Variants in MERTK observed in about 807,000 individuals in gnomAD.
MERTK encodes MER proto-oncogene, tyrosine kinase.
In MERTK, 69 loss-of-function variants were observed where a neutral mutation model predicts 99.3. The observed-to-expected ratio is 0.70, with a 90% CI of 0.57 to 0.85. The LOEUF (loss-of-function observed/expected upper bound fraction) is 0.85. MERTK is among the 40% of genes least tolerant of loss of function. The pLI is 0.00. For missense variants in MERTK, 1,125 were observed against 1,249.4 expected, an observed-to-expected ratio of 0.90 and a Z score of 1.50; for synonymous variants, 426 against 467.6, an observed-to-expected ratio of 0.91 and a Z score of 1.15.
At chr2:111,985,363 G>A (rs868110393) in intron 8 of MERTK, among the ~76,000 whole-genome samples, 1 of 152,076 alleles carries the variant, frequency 6.6e-6, no homozygotes, top group African/African-American at 2.4e-5. Flanking sequence ...AAGAGAGTGG[G>A]GTATTGCTGC....
At chr2:111,931,440 A>G (rs1001663915) in intron 2 of MERTK, among the ~76,000 whole-genome samples, 5 of 152,192 alleles carry the variant, frequency 3.3e-5, no homozygotes, top group African/African-American at 1.2e-4. Context: ...TCATTTAATA[A>G]TAAGTGAATG....
chr2:111,905,918 A>G (rs1166054983), intron 1 of MERTK, among the ~76,000 whole-genome samples: 1 of 152,260 alleles, frequency 6.6e-6, no homozygotes, highest in Non-Finnish European at 1.5e-5. Flanking sequence ...AAAGAGAAAG[A>G]GAGAACAGAT....
intron 4 of MERTK, among the ~76,000 whole-genome samples, chr2:111,964,394 TGTGTGCGC>T (rs984299012): frequency 1.1e-5 from 1 of 88,680 alleles, no homozygotes; most frequent in Non-Finnish European, 3.1e-5. Flanking sequence ...TGTGTGTGTG[TGTGTGCGC>T]GCGCGCACGC....
intron 1 of MERTK, among the ~76,000 whole-genome samples, chr2:111,906,665 C>CTTAA (rs1404956460): frequency 6.6e-6 from 1 of 152,208 alleles, no homozygotes; most frequent in Non-Finnish European, 1.5e-5. Context: ...TGAAACCAGC[C>CTTAA]TTTAAGCCTT....
chr2:111,986,674 T>C (rs1272181677), intron 8 of MERTK, among the ~76,000 whole-genome samples: 1 of 152,240 alleles, frequency 6.6e-6, no homozygotes, highest in Non-Finnish European at 1.5e-5. Flanking sequence ...CATTGCCCTT[T>C]GTTCAGAACG....
At chr2:111,931,975 TA>T (rs1384323609) in intron 2 of MERTK, among the ~76,000 whole-genome samples, 4 of 152,178 alleles carry the variant, frequency 2.6e-5, no homozygotes, top group Non-Finnish European at 4.4e-5. Flanking sequence ...AAATTTTGAT[TA>T]GTCAGTTTCT....
Position 111,968,189 on chromosome 2 carries a change from C to T in MERTK, c.897C>T (p.Ser299=), listed in dbSNP as rs1193443474. Residue 299 remains serine (S), a synonymous_variant, in exon 6 of 19, where the codon AGC becomes AGT. Transcript: ENST00000295408. Reference sequence around the variant, plus strand: ...GCATCCGTAACAGCACTGCACACAGCATTCTGATCTCCTGGGTTCCTGGTT... The same window carrying T: ...GCATCCGTAACAGCACTGCACACAGTATTCTGATCTCCTGGGTTCCTGGTT... ...EVSIRNSTAH[S]ILISWVPGFD... is the part of the protein sequence containing the mutation. The T allele has an allele frequency of 1.2e-6, 2 of 1,613,954 alleles. No individual in the cohort carries two copies. Among genetic ancestry groups the T allele is most frequent in the East Asian group, 2.2e-5 (1 of 44,900 alleles).
chr2:111,975,463 A>G lies in MERTK; in HGVS notation c.1135A>G (p.Thr379Ala). Reference sequence around the variant, plus strand: ...GAGCCCTTGGATTCTAGCCAGCACGACTGAAGGAGGTAATTCCTGGGGTTC... The same window carrying G: ...GAGCCCTTGGATTCTAGCCAGCACGGCTGAAGGAGGTAATTCCTGGGGTTC... ...AVSPWILAST[T>A]EGAPSVAPLN... Residue 379 changes from threonine (T) to alanine (A), a missense_variant, in exon 7 of 19, where the codon ACT (threonine) becomes GCT (alanine). Coordinates refer to ENST00000295408, the MANE Select transcript of MERTK (RefSeq NM_006343.3). The G allele has an allele frequency of 6.2e-7, 1 of 1,614,142 alleles. No individual in the cohort carries two copies. Among genetic ancestry groups the G allele is most frequent in the Non-Finnish European group, 8.5e-7 (1 of 1,180,002 alleles).
intron 8 of MERTK, among the ~76,000 whole-genome samples, chr2:111,992,932 C>T (rs1676658489): frequency 6.6e-6 from 1 of 152,008 alleles, no homozygotes; most frequent in Non-Finnish European, 1.5e-5. Context: ...GTGATTTGTG[C>T]CTGAAACTTG....
chr2:111,985,553 C>T (rs1378300361), intron 8 of MERTK, among the ~76,000 whole-genome samples: 1 of 152,150 alleles, frequency 6.6e-6, no homozygotes, highest in Admixed American at 6.5e-5. Flanking sequence ...TAAAGACATA[C>T]CTGAGACTAG....
At chr2:111,931,578 C>T (rs569694917) in intron 2 of MERTK, among the ~76,000 whole-genome samples, 12 of 151,974 alleles carry the variant, frequency 7.9e-5, no homozygotes, top group African/African-American at 2.4e-4. Flanking sequence ...CCCAGATACT[C>T]GGGAGACTGA....
intron 6 of MERTK, among the ~76,000 whole-genome samples, chr2:111,973,126 C>T (rs943026666): frequency 2.0e-5 from 3 of 152,226 alleles, no homozygotes; most frequent in Non-Finnish European, 2.9e-5. Context: ...TGCCTGTTTT[C>T]CCTGAGGACC....
chr2:111,958,508 A>G (rs1055781854), intron 4 of MERTK, among the ~76,000 whole-genome samples: 1 of 152,156 alleles, frequency 6.6e-6, no homozygotes, highest in African/African-American at 2.4e-5. Context: ...TTTGGTTTGA[A>G]CTAGTTTCCT....
rs1298234443 is a variant in MERTK, at chr2:111,925,290, ATATTTTTTTT to A, written c.62-3828_62-3819del. On this transcript the variant is annotated intron_variant, in intron 1 of 18. Coordinates refer to ENST00000295408, the MANE Select transcript of MERTK (RefSeq NM_006343.3). Reference sequence around the variant, plus strand: ...GTACAGATCAGATATATATATATATATATTTTTTTTTTTTTTTTTTTTTTTTTTGAGATGG... The same window carrying A: ...GTACAGATCAGATATATATATATATATTTTTTTTTTTTTTTTTTGAGATGG... Among the ~76,000 whole-genome samples, 7 of 31,506 alleles carry A rather than the reference ATATTTTTTTT, an allele frequency of 2.2e-4. No individual in the cohort carries two copies. The Admixed American group carries it at 2.6e-3, about 11-fold the overall frequency. 20.7% of individuals were successfully genotyped at this position (31,506 alleles called of 152,430 possible).
At position 112,028,905 on chromosome 2, in the gene MERTK, T is replaced by G; in HGVS notation, c.*41T>G. The G allele has an allele frequency of 1.2e-6, 2 of 1,613,080 alleles. No homozygotes were observed. The highest frequency in any genetic ancestry group is 1.7e-5 in the Admixed American group (1 of 59,980). On this transcript the variant is annotated 3_prime_UTR_variant, in exon 19 of 19. Transcript: ENST00000295408. ...GACATTCCAAAAATCAAGCCAATTCTTCTGCTGTAGGAGAATCCAATTGTA... is the reference window on the plus strand; with the variant it reads ...GACATTCCAAAAATCAAGCCAATTCGTCTGCTGTAGGAGAATCCAATTGTA...
intron 1 of MERTK, chr2:111,913,154 A>G: frequency 8.1e-6 from 7 of 858,922 alleles, no homozygotes; most frequent in Non-Finnish European, 9.8e-6. Flanking sequence ...AAGGACCTCT[A>G]TGCCAGGAAT....
intron 18 of MERTK, among the ~76,000 whole-genome samples, chr2:112,023,101 G>A (rs371693209): frequency 1.4e-3 from 217 of 152,086 alleles, no homozygotes; most frequent in African/African-American, 5.0e-3. Flanking sequence ...AACATAGAGA[G>A]ACCCTGTCTT....
chr2:111,962,218 A>C (rs1685263549), intron 4 of MERTK, among the ~76,000 whole-genome samples: 2 of 152,182 alleles, frequency 1.3e-5, no homozygotes, highest in Non-Finnish European at 2.9e-5. Context: ...CTAAAAAATA[A>C]CCATTCAGGT....
chr2:111,955,237 T>G (rs1313588668), intron 4 of MERTK, among the ~76,000 whole-genome samples: 5 of 152,184 alleles, frequency 3.3e-5, no homozygotes, highest in Non-Finnish European at 7.3e-5. Flanking sequence ...TTGATACAAG[T>G]TTTTATTTTT....
Sources: allele counts gnomAD v4.1 joint callset (sites outside exome capture counted in the v4.1 genomes callset), GRCh38; gene constraint gnomAD v4.1.1; transcripts MANE v1.5; gene names NCBI Gene and HGNC (gene_info 2026-07-23, HGNC 2026-07-21).